CADM2: variants seen among roughly 807,000 people sequenced by gnomAD.
CADM2 encodes cell adhesion molecule 2.
Under a neutral mutation model 49.8 loss-of-function variants are expected in CADM2, and 12 were observed. The ratio of observed to expected loss-of-function variants is 0.24; its 90% CI spans 0.15 to 0.39. The LOEUF is 0.39. Ranked by LOEUF, CADM2 falls within the 10% of genes least tolerant of loss-of-function variation. The probability of loss-of-function intolerance (pLI) is 1.00; values close to 1 mark genes in which losing one functional copy is unlikely to be tolerated. For synonymous variants in CADM2, 214 were observed against 175.4 expected (o/e 1.22, Z -1.74); for missense variants, 378 against 492.3 (o/e 0.77, Z 2.20).
chr3:85,432,728 G>T (rs796448885), intron 1 of CADM2, among the ~76,000 whole-genome samples: 13 of 152,200 alleles, frequency 8.5e-5, no homozygotes, highest in African/African-American at 3.1e-4. Context: ...TTTCTAAAAA[G>T]CATTTCTTAT....
At chr3:85,406,295 A>C (rs2035373277) in intron 1 of CADM2, among the ~76,000 whole-genome samples, 3 of 152,152 alleles carry the variant, frequency 2.0e-5, no homozygotes, top group Non-Finnish European at 4.4e-5. Flanking sequence ...AAGAATACTT[A>C]CTAAAAATCT....
intron 1 of CADM2, among the ~76,000 whole-genome samples, chr3:85,234,901 A>C (rs1021421584): frequency 1.3e-5 from 2 of 152,178 alleles, no homozygotes; most frequent in Non-Finnish European, 2.9e-5. Flanking sequence ...ATAATACATT[A>C]ACACAAAAGC....
chr3:86,036,836 C>G (rs761218618), intron 8 of CADM2, among the ~76,000 whole-genome samples: 13 of 152,114 alleles, frequency 8.5e-5, no homozygotes, highest in Admixed American at 2.0e-4. Context: ...GTGGTATGTG[C>G]CTGTTTGTTA....
chr3:85,199,745 A>G (rs969176466), intron 1 of CADM2, among the ~76,000 whole-genome samples: 6 of 152,058 alleles, frequency 3.9e-5, no homozygotes, highest in African/African-American at 9.6e-5. Flanking sequence ...CTTCAAGTCT[A>G]TAATAATTAA....
chr3:85,530,616 A>G (rs533716305), intron 1 of CADM2, among the ~76,000 whole-genome samples: 2 of 152,118 alleles, frequency 1.3e-5, no homozygotes, highest in East Asian at 3.9e-4. Flanking sequence ...GGCGTGAGCC[A>G]CTGCGCCCGG....
chr3:85,357,010 G>A (rs1349811551), intron 1 of CADM2, among the ~76,000 whole-genome samples: 1 of 152,016 alleles, frequency 6.6e-6, no homozygotes, highest in East Asian at 1.9e-4. Context: ...TGATTAACAA[G>A]GCTACTAGAA....
At chr3:86,011,668 A>C (rs1281983933) in intron 8 of CADM2, among the ~76,000 whole-genome samples, 1 of 152,172 alleles carries the variant, frequency 6.6e-6, no homozygotes. Flanking sequence ...TGGGACAGCC[A>C]ATGCCAATTG....
At chr3:85,543,024 C>T (rs2061580299) in intron 1 of CADM2, among the ~76,000 whole-genome samples, 1 of 152,100 alleles carries the variant, frequency 6.6e-6, no homozygotes, top group African/African-American at 2.4e-5. Context: ...ATTAAATGTG[C>T]TTGTTATATG....
At chr3:85,286,444 G>A (rs2043635375) in intron 1 of CADM2, among the ~76,000 whole-genome samples, 1 of 152,096 alleles carries the variant, frequency 6.6e-6, no homozygotes, top group African/African-American at 2.4e-5. Flanking sequence ...GACTACAATA[G>A]GGAAGAAAGT....
chr3:85,743,874 A>G (rs1353108161), intron 2 of CADM2, among the ~76,000 whole-genome samples: 1 of 152,150 alleles, frequency 6.6e-6, no homozygotes, highest in Non-Finnish European at 1.5e-5. Context: ...AGATATTTAA[A>G]TAAATATATA....
At chr3:85,354,409 C>T (rs1015455884) in intron 1 of CADM2, among the ~76,000 whole-genome samples, 8 of 149,814 alleles carry the variant, frequency 5.3e-5, no homozygotes, top group South Asian at 4.3e-4. Context: ...TGCTAAATGA[C>T]GAGTTAATGG....
chr3:85,115,015 G>C (rs956947093), intron 1 of CADM2, among the ~76,000 whole-genome samples: 1 of 152,142 alleles, frequency 6.6e-6, no homozygotes, highest in African/African-American at 2.4e-5. Context: ...ATTCTGCAAA[G>C]TCTTAATGAA....
intron 1 of CADM2, among the ~76,000 whole-genome samples, chr3:85,420,646 G>C (rs1032626588): frequency 6.6e-6 from 1 of 152,124 alleles, no homozygotes; most frequent in African/African-American, 2.4e-5. Flanking sequence ...TATTAAAAAC[G>C]TGAAACAGAA....
At chr3:85,065,289 T>C (rs2036486953) in intron 1 of CADM2, among the ~76,000 whole-genome samples, 1 of 152,104 alleles carries the variant, frequency 6.6e-6, no homozygotes, top group Non-Finnish European at 1.5e-5. Flanking sequence ...TAAAAAACAA[T>C]TATTTTCTAT....
chr3:85,190,299 TCTC>T (rs1373024474), intron 1 of CADM2, among the ~76,000 whole-genome samples: 1 of 152,090 alleles, frequency 6.6e-6, no homozygotes, highest in Non-Finnish European at 1.5e-5. Flanking sequence ...ATTTTTCTTC[TCTC>T]CTTTTTGTGG....
At chr3:85,521,783 C>T (rs534149094) in intron 1 of CADM2, among the ~76,000 whole-genome samples, 5 of 151,954 alleles carry the variant, frequency 3.3e-5, no homozygotes, top group Admixed American at 1.3e-4. Context: ...AAGAGATTTA[C>T]GGAAGGTCAC....
At chr3:85,923,076 G>A (rs956597641) in intron 6 of CADM2, among the ~76,000 whole-genome samples, 5 of 151,988 alleles carry the variant, frequency 3.3e-5, no homozygotes, top group Non-Finnish European at 7.4e-5. Context: ...ACCTGCCTCG[G>A]CCTCCCAAAG....
intron 1 of CADM2, among the ~76,000 whole-genome samples, chr3:85,116,959 T>A (rs2038661109): frequency 6.6e-6 from 1 of 152,102 alleles, no homozygotes; most frequent in East Asian, 1.9e-4. Context: ...AATTTGGGAA[T>A]CTGGGGTGGG....
intron 1 of CADM2, among the ~76,000 whole-genome samples, chr3:85,155,738 A>G (rs1414890699): frequency 1.3e-5 from 2 of 152,130 alleles, no homozygotes; most frequent in Admixed American, 6.6e-5. Flanking sequence ...ATAACAAACT[A>G]TCTCTCAGAC....
Sources: allele counts gnomAD v4.1 joint callset (sites outside exome capture counted in the v4.1 genomes callset), GRCh38; gene constraint gnomAD v4.1.1; transcripts MANE v1.5; gene names NCBI Gene and HGNC (gene_info 2026-07-23, HGNC 2026-07-21).